The following DAB1 variants were observed in gnomAD, a reference collection of about 807,000 sequenced individuals.
The protein encoded by DAB1 is disabled homolog 1.
In DAB1, 15 loss-of-function variants were observed where a neutral mutation model predicts 64.6. That is an observed-to-expected ratio of 0.23 (90% CI 0.16 to 0.36). DAB1 has a LOEUF of 0.36. Among genes scored for constraint, DAB1 ranks in the 10% least tolerant of loss-of-function variants. The pLI is 1.00. For missense variants in DAB1, 596 were observed against 706.7 expected (o/e 0.84, Z 1.78); for synonymous variants, 235 against 251.9 (o/e 0.93, Z 0.64).
intron 4 of DAB1, among the ~76,000 whole-genome samples, chr1:58,230,733 A>G (rs1244322991): frequency 6.6e-6 from 1 of 152,220 alleles, no homozygotes; most frequent in African/African-American, 2.4e-5. Context: ...TGCAGCAACA[A>G]AGTAAAAGCA....
intron 6 of DAB1, among the ~76,000 whole-genome samples, chr1:57,656,719 A>G (rs569557745): frequency 1.8e-4 from 28 of 152,336 alleles, no homozygotes; most frequent in Non-Finnish European, 2.9e-4. Context: ...AAAAGACAAT[A>G]GATAGTTGCT....
At chr1:57,868,650 T>C (rs61770276) in intron 1 of DAB1, among the ~76,000 whole-genome samples, 35,612 of 152,034 alleles carry the variant, frequency 0.23, 4,930 homozygotes, top group Non-Finnish European at 0.31. Context: ...TGAGAACCAC[T>C]GCAGTAGACT....
At chr1:58,446,166 T>C (rs1176168663) in intron 3 of DAB1, among the ~76,000 whole-genome samples, 1 of 152,172 alleles carries the variant, frequency 6.6e-6, no homozygotes, top group Non-Finnish European at 1.5e-5. Flanking sequence ...AAAAAAGAAA[T>C]TAATTGGGAA....
intron 5 of DAB1, among the ~76,000 whole-genome samples, chr1:57,981,351 G>C (rs2100341811): frequency 6.6e-6 from 1 of 152,190 alleles, no homozygotes; most frequent in South Asian, 2.1e-4. Flanking sequence ...AGGAAAAGAA[G>C]GAGGAGGAGA....
chr1:57,292,823 C>A lies in DAB1; in HGVS notation c.-136-1657G>T, dbSNP rs186191722. Among the ~76,000 whole-genome samples, 7 of 152,112 alleles carry A rather than the reference C, an allele frequency of 4.6e-5. No homozygotes were observed. In the East Asian group the frequency reaches 1.2e-3, roughly 25 times the overall value. Reference sequence around the variant, plus strand: ...ACAGAGGTATCAGTCATGTAAGGGACGGCAACACACACATGTGAGCAAAAC... The same window carrying A: ...ACAGAGGTATCAGTCATGTAAGGGAAGGCAACACACACATGTGAGCAAAAC... On this transcript the variant is annotated intron_variant, in intron 1 of 14. Coordinates refer to ENST00000371236, the MANE Select transcript of DAB1 (RefSeq NM_001365792.1).
At chr1:57,986,897 C>T (rs749454493) in intron 5 of DAB1, among the ~76,000 whole-genome samples, 1 of 152,146 alleles carries the variant, frequency 6.6e-6, no homozygotes, top group African/African-American at 2.4e-5. Flanking sequence ...TCTTATTTCT[C>T]ACTAAAATCC....
chr1:58,449,201 G>A (rs935793779), intron 3 of DAB1, among the ~76,000 whole-genome samples: 7 of 152,222 alleles, frequency 4.6e-5, no homozygotes, highest in Non-Finnish European at 7.3e-5. Context: ...GCCCCCAGGG[G>A]TTGGAATCGA....
intron 6 of DAB1, among the ~76,000 whole-genome samples, chr1:57,812,508 G>C (rs565794203): frequency 4.6e-5 from 7 of 152,258 alleles, no homozygotes; most frequent in African/African-American, 1.7e-4. Context: ...GGAGGCCGCA[G>C]ATAGAGGTCA....
At chr1:57,466,604 G>T (rs1180169294) in intron 7 of DAB1, among the ~76,000 whole-genome samples, 1 of 152,212 alleles carries the variant, frequency 6.6e-6, no homozygotes, top group Non-Finnish European at 1.5e-5. Context: ...CAAGTTAGAA[G>T]TCTGAGCAGA....
At chr1:58,495,854 T>C (rs1425053882) in intron 3 of DAB1, among the ~76,000 whole-genome samples, 1 of 152,220 alleles carries the variant, frequency 6.6e-6, no homozygotes, top group Non-Finnish European at 1.5e-5. Flanking sequence ...TCCTTATGCT[T>C]ATGAAAAGAA....
intron 5 of DAB1, among the ~76,000 whole-genome samples, chr1:57,926,639 A>T (rs1475507635): frequency 6.6e-6 from 1 of 152,220 alleles, no homozygotes; most frequent in African/African-American, 2.4e-5. Flanking sequence ...ATGGCTGTAG[A>T]CTCAAACAAG....
rs1045539139 is a variant in DAB1, at chr1:57,608,259, A to G, written n.625+41333T>C. On this transcript the variant is annotated intron_variant and non_coding_transcript_variant, in intron 7 of 20. Transcript: ENST00000485760. ...CACAGACACACACATACACAATGTA[A>G]CCTCTCTGGGTAAGTGTCTTCAGCT... 3.3e-5 allele frequency among the ~76,000 whole-genome samples: 5 copies of G among 152,154 alleles called. No homozygotes were observed. In the East Asian group the frequency reaches 9.6e-4, roughly 29 times the overall value.
chr1:58,263,563 A>G (rs1344329784), intron 4 of DAB1, among the ~76,000 whole-genome samples: 4 of 152,130 alleles, frequency 2.6e-5, no homozygotes, highest in Admixed American at 2.6e-4. Flanking sequence ...GTTGCTTGCT[A>G]CCTCATAAGG....
intron 7 of DAB1, among the ~76,000 whole-genome samples, chr1:57,473,439 G>C (rs962011914): frequency 1.3e-5 from 2 of 152,172 alleles, no homozygotes; most frequent in African/African-American, 4.8e-5. Context: ...GCAAGCTCCA[G>C]AGACCTCATC....
chr1:58,030,265 C>T (rs1646951974), intron 5 of DAB1, among the ~76,000 whole-genome samples: 1 of 151,886 alleles, frequency 6.6e-6, no homozygotes, highest in Non-Finnish European at 1.5e-5. Flanking sequence ...TAAAAACAAG[C>T]AAAGAAACAA....
intron 6 of DAB1, among the ~76,000 whole-genome samples, chr1:57,767,528 T>C (rs867641410): frequency 2.6e-5 from 4 of 152,218 alleles, no homozygotes; most frequent in Non-Finnish European, 4.4e-5. Flanking sequence ...GTGGTTATCA[T>C]GATTGGACAA....
intron 4 of DAB1, among the ~76,000 whole-genome samples, chr1:58,159,081 G>A (rs1013154235): frequency 2.0e-5 from 3 of 152,162 alleles, no homozygotes; most frequent in Non-Finnish European, 4.4e-5. Context: ...CCTTGCTAGT[G>A]AGCTCAAGCT....
chr1:57,516,912 C>T (rs1644469794), intron 7 of DAB1, among the ~76,000 whole-genome samples: 1 of 152,158 alleles, frequency 6.6e-6, no homozygotes, highest in Non-Finnish European at 1.5e-5. Flanking sequence ...AAGAACCCTA[C>T]TAAGTGTCAT....
rs369950419 is a variant in DAB1, at chr1:57,037,585, T to C, written c.724-11542A>G. On this transcript the variant is annotated intron_variant, in intron 9 of 14. Coordinates refer to ENST00000371236, the MANE Select transcript of DAB1 (RefSeq NM_001365792.1). The stretch of plus-strand genomic sequence containing the variant: ...TGATTTGTAACTGCACTAAGGTGGG[T>C]ACTATTAAGGACACCTACAGATTCC... Among the ~76,000 whole-genome samples, 185 of 152,344 alleles carry C rather than the reference T, an allele frequency of 1.2e-3. 3 individuals are homozygous for C. The South Asian group carries it at 0.037, about 30-fold the overall frequency.
Sources: allele counts gnomAD v4.1 joint callset (sites outside exome capture counted in the v4.1 genomes callset), GRCh38; gene constraint gnomAD v4.1.1; transcripts MANE v1.5; gene names NCBI Gene and HGNC (gene_info 2026-07-23, HGNC 2026-07-21).